GRID1: variants seen among roughly 807,000 people sequenced by gnomAD.
The protein encoded by GRID1 is glutamate receptor ionotropic, delta-1.
GRID1 carries 28 observed loss-of-function variants against 98.0 expected under a neutral mutation model. The ratio of observed to expected loss-of-function variants is 0.29; its 90% CI spans 0.21 to 0.39. The LOEUF is 0.39. Among genes scored for constraint, GRID1 ranks in the 10% least tolerant of loss-of-function variants. GRID1 has a pLI of 1.00. For missense variants in GRID1, 1,111 were observed against 1,340.5 expected, an observed-to-expected ratio of 0.83 and a Z score of 2.67; for synonymous variants, 553 against 538.5, an observed-to-expected ratio of 1.03 and a Z score of -0.37.
intron 2 of GRID1, among the ~76,000 whole-genome samples, chr10:86,346,622 G>C (rs986198889): frequency 1.3e-5 from 2 of 152,236 alleles, no homozygotes; most frequent in Admixed American, 6.5e-5. Context: ...CGCTGCCCAG[G>C]AGGCAGGAGC....
chr10:85,774,158 A>G (rs1183882180), intron 8 of GRID1, among the ~76,000 whole-genome samples: 1 of 152,228 alleles, frequency 6.6e-6, no homozygotes, highest in African/African-American at 2.4e-5. Context: ...CAGAGCCCTC[A>G]GAAATAACGC....
intron 2 of GRID1, among the ~76,000 whole-genome samples, chr10:86,323,537 C>T (rs1847999480): frequency 6.6e-6 from 1 of 152,210 alleles, no homozygotes; most frequent in Non-Finnish European, 1.5e-5. Flanking sequence ...ACAGAAAATT[C>T]ACCACCACAA....
intron 3 of GRID1, among the ~76,000 whole-genome samples, chr10:86,174,598 T>TA (rs1311402699): frequency 1.3e-5 from 2 of 152,122 alleles, no homozygotes; most frequent in African/African-American, 2.4e-5. Context: ...ACTTCATGTC[T>TA]AAACACCAAA....
chr10:85,665,273 T>G (rs1440695080), intron 12 of GRID1, among the ~76,000 whole-genome samples: 1 of 152,122 alleles, frequency 6.6e-6, no homozygotes, highest in East Asian at 1.9e-4. Flanking sequence ...GCTGTGGGGT[T>G]CAGGATGAAG....
chr10:86,202,759 C>G (rs568266443), intron 3 of GRID1, among the ~76,000 whole-genome samples: 1 of 152,322 alleles, frequency 6.6e-6, no homozygotes, highest in Non-Finnish European at 1.5e-5. Flanking sequence ...CAGGCTCTAC[C>G]TGGGGCAGGA....
chr10:85,706,977 A>C lies in GRID1; in HGVS notation c.1997+16026T>G, dbSNP rs557769882. On this transcript the variant is annotated intron_variant, in intron 12 of 15. Transcript: ENST00000327946. The stretch of plus-strand genomic sequence containing the variant: ...AAAATTAATTCAAGATGGATTAAAG[A>C]CTTAAATGTTAGACCTAAAACCATA... Among the ~76,000 whole-genome samples, 236 of 152,350 alleles carry C rather than the reference A, an allele frequency of 1.5e-3. 6 individuals carry two copies. In the South Asian group the frequency reaches 0.046, roughly 30 times the overall value.
intron 5 of GRID1, among the ~76,000 whole-genome samples, chr10:85,886,386 T>G (rs1198126785): frequency 6.6e-6 from 1 of 152,180 alleles, no homozygotes; most frequent in Non-Finnish European, 1.5e-5. Flanking sequence ...AGTAATAAAT[T>G]TTTAGACCAT....
chr10:85,776,283 A>G (rs1322072502), intron 8 of GRID1, among the ~76,000 whole-genome samples: 1 of 152,228 alleles, frequency 6.6e-6, no homozygotes, highest in Non-Finnish European at 1.5e-5. Context: ...TCAAATAAAA[A>G]TTAATCCTAA....
intron 4 of GRID1, among the ~76,000 whole-genome samples, chr10:86,110,218 C>T (rs1324739105): frequency 6.6e-6 from 1 of 152,156 alleles, no homozygotes; most frequent in African/African-American, 2.4e-5. Flanking sequence ...AGGTGATCCA[C>T]CTGCCTCGGC....
chr10:86,173,028 T>A (rs560904260), intron 3 of GRID1, among the ~76,000 whole-genome samples: 3 of 152,210 alleles, frequency 2.0e-5, no homozygotes, highest in African/African-American at 4.8e-5. Flanking sequence ...AAGACAAGGA[T>A]TTTTCCTGTT....
chr10:86,316,693 C>T (rs928241837), intron 2 of GRID1, among the ~76,000 whole-genome samples: 2 of 150,552 alleles, frequency 1.3e-5, no homozygotes, highest in African/African-American at 2.5e-5. Context: ...AGCCCCAGGG[C>T]TCCTGAGCAC....
At chr10:85,790,790 C>T (rs1407259830) in intron 8 of GRID1, among the ~76,000 whole-genome samples, 2 of 152,192 alleles carry the variant, frequency 1.3e-5, no homozygotes, top group African/African-American at 4.8e-5. Flanking sequence ...CCCGGCTTCT[C>T]AACCACCCGC....
intron 12 of GRID1, among the ~76,000 whole-genome samples, chr10:85,672,285 C>T (rs1841095516): frequency 6.6e-6 from 1 of 152,150 alleles, no homozygotes; most frequent in Admixed American, 6.6e-5. Context: ...GCCTAGGACC[C>T]TTAAGAATTA....
At chr10:86,151,145 A>C (rs1320157639) in intron 3 of GRID1, among the ~76,000 whole-genome samples, 3 of 152,136 alleles carry the variant, frequency 2.0e-5, no homozygotes, top group Non-Finnish European at 2.9e-5. Context: ...CTGACTCCAG[A>C]GCCAGAGCTC....
chr10:86,123,128 A>G (rs1476132000), intron 4 of GRID1, among the ~76,000 whole-genome samples: 1 of 152,166 alleles, frequency 6.6e-6, no homozygotes, highest in African/African-American at 2.4e-5. Context: ...CCGCCCCAAC[A>G]CTGCCAGTGC....
At chr10:85,856,852 C>T (rs1010414681) in intron 6 of GRID1, among the ~76,000 whole-genome samples, 6 of 152,206 alleles carry the variant, frequency 3.9e-5, no homozygotes, top group East Asian at 1.9e-4. Context: ...CAGTTCAAGA[C>T]GACTGTGTCA....
rs978070627 is a variant in GRID1, at chr10:86,198,473, T to C, written c.520+7891A>G. ...GAATGGACAGCAATGGGACCACTGC[T>C]GGGCACAGCTCCAGAGTAGTAAGTG... On this transcript the variant is annotated intron_variant, in intron 3 of 15. Transcript: ENST00000327946. Among the ~76,000 whole-genome samples the C allele has an allele frequency of 3.3e-5, 5 of 152,134 alleles. No homozygotes were observed. The East Asian group carries it at 9.6e-4, about 29-fold the overall frequency.
intron 2 of GRID1, among the ~76,000 whole-genome samples, chr10:86,353,269 G>A (rs1281645189): frequency 2.0e-5 from 3 of 152,226 alleles, no homozygotes; most frequent in Non-Finnish European, 4.4e-5. Context: ...CCCTGAGGAT[G>A]CCACCTCCCA....
chr10:86,014,890 C>A (rs1842962085), intron 4 of GRID1, among the ~76,000 whole-genome samples: 1 of 152,208 alleles, frequency 6.6e-6, no homozygotes, highest in Admixed American at 6.5e-5. Flanking sequence ...CACATCTACT[C>A]AAGCCCTCAC....
Sources: gnomAD v4.1 joint callset for allele counts (sites outside exome capture counted in the v4.1 genomes callset) on GRCh38, gnomAD v4.1.1 for gene constraint, MANE v1.5 for transcripts, NCBI Gene and HGNC (gene_info 2026-07-23, HGNC 2026-07-21) for gene names.